DPP6: variants seen among roughly 807,000 people sequenced by gnomAD.
The protein encoded by DPP6 is A-type potassium channel modulatory protein DPP6.
A neutral mutation model predicts 122.6 loss-of-function variants in DPP6; 69 were observed. The observed-to-expected ratio is 0.56, with a 90% CI of 0.46 to 0.69. DPP6 has a LOEUF of 0.69. Among genes scored for constraint, DPP6 ranks in the 30% least tolerant of loss-of-function variants. The pLI is 0.00. For synonymous variants in DPP6, 418 were observed against 433.1 expected, an observed-to-expected ratio of 0.97 and a Z score of 0.43; for missense variants, 928 against 1,116.9, an observed-to-expected ratio of 0.83 and a Z score of 2.41.
At chr7:153,968,379 T>C in intron 1 of DPP6, among the ~76,000 whole-genome samples, 1 of 152,214 alleles carries the variant, frequency 6.6e-6, no homozygotes, top group Non-Finnish European at 1.5e-5. Flanking sequence ...CTGTTCATAT[T>C]CTTTGTCCAC....
At chr7:154,649,804 G>A (rs755041178) in intron 6 of DPP6, among the ~76,000 whole-genome samples, 8 of 152,152 alleles carry the variant, frequency 5.3e-5, no homozygotes, top group African/African-American at 1.7e-4. Flanking sequence ...TATCAGCCGC[G>A]AAGACAAATA....
chr7:154,642,698 G>A (rs893859532), intron 6 of DPP6, among the ~76,000 whole-genome samples: 3 of 152,124 alleles, frequency 2.0e-5, no homozygotes, highest in Non-Finnish European at 4.4e-5. Context: ...CAGCACTGTG[G>A]GAGGCTGATG....
In DPP6 at chr7:153,967,224, G is replaced by A. The variant is rs555851753; in HGVS notation, c.51+79490G>A. On this transcript the variant is annotated intron_variant, in intron 1 of 25. Transcript: ENST00000404039. The stretch of plus-strand genomic sequence containing the variant: ...TGCCCATCCTGTGCTGGGGATGCTG[G>A]TGGCTTTGGGCTTGTGTTTAGATTT... Among the ~76,000 whole-genome samples the A allele has an allele frequency of 3.2e-4, 48 of 152,274 alleles. No homozygotes were observed. In the South Asian group the frequency reaches 9.7e-3, roughly 31 times the overall value.
intron 1 of DPP6, among the ~76,000 whole-genome samples, chr7:154,013,095 A>G (rs1585175171): frequency 6.6e-6 from 1 of 152,214 alleles, no homozygotes; most frequent in South Asian, 2.1e-4. Flanking sequence ...TGCCTCTCCC[A>G]GGCTGGAAAA....
intron 1 of DPP6, among the ~76,000 whole-genome samples, chr7:153,997,355 A>G (rs1797491701): frequency 6.6e-6 from 1 of 152,108 alleles, no homozygotes; most frequent in African/African-American, 2.4e-5. Flanking sequence ...TTGTTACGCT[A>G]TTTTATTTTT....
intron 10 of DPP6, among the ~76,000 whole-genome samples, chr7:154,773,448 C>T (rs1026360331): frequency 2.0e-5 from 3 of 152,128 alleles, no homozygotes; most frequent in East Asian, 1.9e-4. Context: ...TGATTGTGGT[C>T]GCTTTTTTCT....
chr7:154,164,845 T>A (rs1246430218), intron 1 of DPP6, among the ~76,000 whole-genome samples: 1 of 152,232 alleles, frequency 6.6e-6, no homozygotes, highest in African/African-American at 2.4e-5. Context: ...CCTGTCACAC[T>A]GTTCATCCAT....
At chr7:154,199,820 C>G (rs775186305) in intron 1 of DPP6, among the ~76,000 whole-genome samples, 3 of 152,016 alleles carry the variant, frequency 2.0e-5, no homozygotes, top group African/African-American at 7.2e-5. Context: ...GTTGGTCAGG[C>G]TAGTGTCTAA....
In DPP6 at chr7:154,887,881, G is replaced by A. The variant is rs77297860; in HGVS notation, c.2304+147G>A. 34,693 of 943,228 alleles carry A rather than the reference G, an allele frequency of 0.037. 876 individuals are homozygous for A. Among genetic ancestry groups the A allele is most frequent in the East Asian group, 0.069 (2,869 of 41,380 alleles). 58.4% of individuals were successfully genotyped at this position (943,228 alleles called of 1,614,324 possible). A position where few individuals can be genotyped will look rare whatever the true frequency, so the allele number is the denominator to read the frequency against. ...CACCAAAGCCCACTCAGAAACCTCC[G>A]AAGGATCATTCCACCAGAGAGTGGA... On this transcript the variant is annotated intron_variant, in intron 23 of 25. Coordinates refer to ENST00000377770, the MANE Select transcript of DPP6 (RefSeq NM_130797.4).
rs114820242 is a variant in DPP6, at chr7:154,704,722, T to C, written c.763-23045T>C. ...AAACATTTTTAATAACTCACATACA[T>C]TTTTAGACATAATACTTTTGCACAG... On this transcript the variant is annotated intron_variant, in intron 7 of 25. Transcript: ENST00000377770. Among the ~76,000 whole-genome samples the C allele has an allele frequency of 7.8e-3, 1,181 of 152,326 alleles. 11 individuals carry two copies. The highest frequency in any genetic ancestry group is 0.027 in the African/African-American group (1,130 of 41,556).
intron 1 of DPP6, among the ~76,000 whole-genome samples, chr7:154,024,133 C>T (rs1339624638): frequency 7.3e-5 from 11 of 151,382 alleles, no homozygotes; most frequent in South Asian, 2.1e-4. Context: ...GAGGTGTGGG[C>T]GAGAAGGAAT....
chr7:154,012,794 T>A (rs1041665907), intron 1 of DPP6, among the ~76,000 whole-genome samples: 32 of 152,364 alleles, frequency 2.1e-4, no homozygotes, highest in African/African-American at 6.7e-4. Context: ...TGCTTATCTT[T>A]TATGTGTCTA....
intron 1 of DPP6, among the ~76,000 whole-genome samples, chr7:154,087,853 G>A (rs145037699): frequency 0.016 from 2,511 of 152,320 alleles, 82 homozygotes; most frequent in African/African-American, 0.058. Flanking sequence ...ACATATGTAT[G>A]CAAGGTCATT....
intron 3 of DPP6, among the ~76,000 whole-genome samples, chr7:154,503,358 C>G (rs1331734951): frequency 1.3e-5 from 2 of 152,170 alleles, no homozygotes; most frequent in African/African-American, 4.8e-5. Context: ...ACAGGTACTC[C>G]AGTCCCAGGT....
At chr7:154,326,794 A>G (rs1223121067) in intron 1 of DPP6, among the ~76,000 whole-genome samples, 1 of 152,244 alleles carries the variant, frequency 6.6e-6, no homozygotes, top group Non-Finnish European at 1.5e-5. Context: ...CTTAAGGTAT[A>G]TGGCAAGTAA....
chr7:154,424,339 A>G (rs1471731758), intron 1 of DPP6, among the ~76,000 whole-genome samples: 4 of 152,198 alleles, frequency 2.6e-5, no homozygotes, highest in African/African-American at 9.7e-5. Flanking sequence ...ATGAGATCCA[A>G]AGTCTGAAAT....
intron 10 of DPP6, among the ~76,000 whole-genome samples, chr7:154,789,791 C>T (rs1797563343): frequency 6.6e-6 from 1 of 152,246 alleles, no homozygotes; most frequent in Non-Finnish European, 1.5e-5. Context: ...AGCGTCGCTG[C>T]CTCGCAAGGT....
intron 1 of DPP6, among the ~76,000 whole-genome samples, chr7:153,998,188 G>GA (rs1797532122): frequency 6.6e-6 from 1 of 151,628 alleles, no homozygotes; most frequent in Non-Finnish European, 1.5e-5. Context: ...AGATAGAAGG[G>GA]AAAAAAAGGA....
intron 12 of DPP6, 43 bp from the exon 13 acceptor site, chr7:154,801,312 A>G (rs936829641): frequency 6.4e-7 from 1 of 1,553,544 alleles, no homozygotes; most frequent in Non-Finnish European, 8.7e-7. Context: ...TTCAGAATAA[A>G]TGATGTTTTA....
Sources: allele counts gnomAD v4.1 joint callset (sites outside exome capture counted in the v4.1 genomes callset), GRCh38; gene constraint gnomAD v4.1.1; transcripts MANE v1.5; gene names NCBI Gene and HGNC (gene_info 2026-07-23, HGNC 2026-07-21).